The following TSPAN9 variants were observed in gnomAD, a reference collection of about 807,000 sequenced individuals.
TSPAN9 encodes tetraspanin 9, also known as tetraspanin-9.
TSPAN9 carries 16 observed loss-of-function variants against 31.0 expected under a neutral mutation model. The ratio of observed to expected loss-of-function variants is 0.52; its 90% CI spans 0.35 to 0.78. TSPAN9 has a LOEUF of 0.78. Among genes scored for constraint, TSPAN9 ranks in the 30% least tolerant of loss-of-function variants. The pLI, the probability that TSPAN9 is intolerant of heterozygous loss-of-function variation, is 0.01. For synonymous variants in TSPAN9, 145 were observed against 121.6 expected (o/e 1.19, Z -1.27); for missense variants, 272 against 312.5 (o/e 0.87, Z 0.98).
rs949771134 is a variant in TSPAN9, at chr12:3,107,183, C to T, written c.-18+23464C>T. ...GACTTGAGCCGCCGGCGGCCCCCTC[C>T]GTGGGGAGTGGGGGAGGGAGGCTCT... On this transcript the variant is annotated intron_variant, in intron 2 of 8. Transcript: ENST00000011898. This position sits in a 1 kb window ranked among gnomAD's most constrained non-coding sequence, Gnocchi z 4.1. Among the ~76,000 whole-genome samples the T allele has an allele frequency of 7.9e-5, 12 of 152,122 alleles. No homozygotes were observed. Among genetic ancestry groups the T allele is most frequent in the East Asian group, 3.9e-4 (2 of 5,190 alleles).
At chr12:3,272,305 G>A (rs1565641529) in intron 3 of TSPAN9, among the ~76,000 whole-genome samples, 1 of 152,160 alleles carries the variant, frequency 6.6e-6, no homozygotes, top group Non-Finnish European at 1.5e-5. Flanking sequence ...GCTTTTTCAG[G>A]AGGATTTGCA....
chr12:3,109,299 T>TGTGTGTGTGTGAGAGAGAGA (rs1274383200), intron 2 of TSPAN9, among the ~76,000 whole-genome samples: 8 of 118,304 alleles, frequency 6.8e-5, no homozygotes, highest in African/African-American at 3.2e-4. Context: ...TGTGTGTGTG[T>TGTGTGTGTGTGAGAGAGAGA]GAGAGAGAGT....
intron 3 of TSPAN9, among the ~76,000 whole-genome samples, chr12:3,205,413 C>T (rs1282511397): frequency 1.3e-5 from 2 of 152,214 alleles, no homozygotes; most frequent in African/African-American, 2.4e-5. Context: ...AGGGCCCTCG[C>T]AGACGCTGGC....
intron 3 of TSPAN9, among the ~76,000 whole-genome samples, chr12:3,272,113 T>G (rs904663633): frequency 5.9e-5 from 9 of 152,166 alleles, no homozygotes; most frequent in African/African-American, 2.2e-4. Context: ...AAAAAGTGGA[T>G]GAGGGTGTCA....
At chr12:3,239,272 G>A (rs191827881) in intron 3 of TSPAN9, among the ~76,000 whole-genome samples, 3 of 152,286 alleles carry the variant, frequency 2.0e-5, no homozygotes, top group Admixed American at 6.5e-5. Context: ...TGCTGGGAAC[G>A]CTGGGCAGGA....
At chr12:3,212,834 G>A (rs1186765812) in intron 3 of TSPAN9, among the ~76,000 whole-genome samples, 3 of 152,182 alleles carry the variant, frequency 2.0e-5, no homozygotes, top group African/African-American at 7.2e-5. Flanking sequence ...TCAGAACAGG[G>A]TTTGTAGAGG....
intron 3 of TSPAN9, among the ~76,000 whole-genome samples, chr12:3,236,068 C>G (rs188595130): frequency 2.0e-5 from 3 of 152,338 alleles, no homozygotes; most frequent in Non-Finnish European, 4.4e-5. Flanking sequence ...GGGGCAGGCT[C>G]TGCTGTTGTT....
chr12:3,237,549 C>A (rs953283560), intron 3 of TSPAN9, among the ~76,000 whole-genome samples: 3 of 152,262 alleles, frequency 2.0e-5, no homozygotes, highest in Non-Finnish European at 4.4e-5. Context: ...GCCTCTGCAG[C>A]CCTGTCCCAC....
chr12:3,180,482 G>GA (rs11322656), intron 2 of TSPAN9, among the ~76,000 whole-genome samples: 23 of 143,726 alleles, frequency 1.6e-4, no homozygotes, highest in South Asian at 4.5e-4. Flanking sequence ...GTATCTAAAA[G>GA]AAAAAAAAAA....
chr12:3,236,042 A>G (rs550561237), intron 3 of TSPAN9, among the ~76,000 whole-genome samples: 1 of 152,296 alleles, frequency 6.6e-6, no homozygotes, highest in Non-Finnish European at 1.5e-5. Context: ...TGAGGCTGCA[A>G]ACTTCCGCAG....
At chr12:3,156,209 C>A (rs1434900243) in intron 2 of TSPAN9, among the ~76,000 whole-genome samples, 1 of 152,048 alleles carries the variant, frequency 6.6e-6, no homozygotes, top group East Asian at 1.9e-4. Flanking sequence ...TTGATGATTC[C>A]CTGAGAGGAA....
chr12:3,094,404 T>C (rs1486120944), intron 2 of TSPAN9, among the ~76,000 whole-genome samples: 2 of 152,148 alleles, frequency 1.3e-5, no homozygotes, highest in African/African-American at 4.8e-5. Context: ...CCCATGCCTC[T>C]CCAAGAAAAT....
At chr12:3,113,799 C>T (rs10848805) in intron 2 of TSPAN9, among the ~76,000 whole-genome samples, 1 of 152,010 alleles carries the variant, frequency 6.6e-6, no homozygotes, top group African/African-American at 2.4e-5. Context: ...TTGGGCCTTG[C>T]GCCCTCCCTC....
chr12:3,280,977 C>T lies in TSPAN9; in HGVS notation c.433-221C>T, dbSNP rs1862881503. 6.6e-6 allele frequency among the ~76,000 whole-genome samples: 1 copy of T among 152,156 alleles called. No individual in the cohort carries two copies. The highest frequency in any genetic ancestry group is 1.5e-5 in the Non-Finnish European group (1 of 68,020). On this transcript the variant is annotated intron_variant, in intron 6 of 8. Transcript: ENST00000011898. The surrounding 1 kb of genome is among the most constrained non-coding windows in gnomAD (Gnocchi z 4.5). ...CAGCCCGAGGGGTGGGCTGCATTGC[C>T]CTCTCCCGCTCTGGTCTCCAGGAAG...
intron 2 of TSPAN9, among the ~76,000 whole-genome samples, chr12:3,155,018 G>A (rs1337730630): frequency 6.6e-6 from 1 of 152,140 alleles, no homozygotes; most frequent in African/African-American, 2.4e-5. Context: ...GGTTCTCTTG[G>A]TTCCCTAGAT....
chr12:3,261,805 C>T (rs115408264), intron 3 of TSPAN9, among the ~76,000 whole-genome samples: 40 of 152,340 alleles, frequency 2.6e-4, no homozygotes, highest in African/African-American at 9.4e-4. Flanking sequence ...ACCCGTCCTG[C>T]ATGTCCAGTG....
chr12:3,114,720 A>G (rs577574737), intron 2 of TSPAN9, among the ~76,000 whole-genome samples: 1 of 152,010 alleles, frequency 6.6e-6, no homozygotes, highest in Admixed American at 6.6e-5. Flanking sequence ...GTGGGTGCCT[A>G]TAAGCCCAGC....
At chr12:3,186,779 G>A (rs899428171) in intron 2 of TSPAN9, among the ~76,000 whole-genome samples, 3 of 152,132 alleles carry the variant, frequency 2.0e-5, no homozygotes, top group African/African-American at 4.8e-5. Context: ...CCTATGACTC[G>A]TCCAGCCTCT....
At chr12:3,096,524 A>G (rs1229820548) in intron 2 of TSPAN9, among the ~76,000 whole-genome samples, 3 of 149,156 alleles carry the variant, frequency 2.0e-5, no homozygotes, top group Non-Finnish European at 4.5e-5. Flanking sequence ...GGACACAGAA[A>G]TATTTTTTGA....
Sources: gnomAD v4.1 joint callset for allele counts (sites outside exome capture counted in the v4.1 genomes callset) on GRCh38, gnomAD v4.1.1 for gene constraint, Gnocchi (gnomAD v3.1) non-coding constraint, MANE v1.5 for transcripts, NCBI Gene and HGNC (gene_info 2026-07-23, HGNC 2026-07-21) for gene names.